The following NBAS variants were observed in gnomAD, a reference collection of about 807,000 sequenced individuals.
The protein encoded by NBAS is NBAS subunit of NRZ tethering complex.
A neutral mutation model predicts 302.5 loss-of-function variants in NBAS; 219 were observed. That is an observed-to-expected ratio of 0.72 (90% CI 0.65 to 0.81). NBAS has a LOEUF of 0.81. Ranked by LOEUF, NBAS falls within the 30% of genes least tolerant of loss-of-function variation. NBAS has a pLI of 0.00. For synonymous variants in NBAS, 1,118 were observed against 1,021.6 expected (o/e 1.09, Z -1.80); for missense variants, 2,932 against 2,841.6 (o/e 1.03, Z -0.72).
the NBAS span, among the ~76,000 whole-genome samples, chr2:15,108,795 T>C: frequency 1.7e-4 from 26 of 152,306 alleles, no homozygotes; most frequent in African/African-American, 5.8e-4. Context: ...GTCTTTTTTT[T>C]CAATGTCTGA....
chr2:15,186,650 T>C (rs939268836), intron 50 of NBAS, 92 bp downstream of exon 50: 1 of 1,575,508 alleles, frequency 6.3e-7, no homozygotes, highest in Admixed American at 1.7e-5. Flanking sequence ...AAGCTAAATG[T>C]TCCTCAAATC....
intron 48 of NBAS, among the ~76,000 whole-genome samples, chr2:15,209,384 C>A: frequency 6.6e-6 from 1 of 152,048 alleles, no homozygotes; most frequent in Non-Finnish European, 1.5e-5. Context: ...TAATACCAAT[C>A]CTATTCCAAC....
At chr2:14,965,900 A>G in the NBAS span, among the ~76,000 whole-genome samples, 36 of 152,262 alleles carry the variant, frequency 2.4e-4, no homozygotes, top group African/African-American at 8.4e-4. Context: ...TGTGAATGTG[A>G]CTTCATTTAG....
intron 9 of NBAS, among the ~76,000 whole-genome samples, chr2:15,515,147 C>A (rs1662327764): frequency 6.6e-6 from 1 of 152,056 alleles, no homozygotes; most frequent in Admixed American, 6.5e-5. Context: ...ACAAAACTGG[C>A]AGCTGCTGAG....
chr2:15,142,759 A>C, the NBAS span, among the ~76,000 whole-genome samples: 1 of 152,222 alleles, frequency 6.6e-6, no homozygotes, highest in African/African-American at 2.4e-5. Flanking sequence ...GAGGGGAGAT[A>C]AGGAACATTC....
the NBAS span, among the ~76,000 whole-genome samples, chr2:15,132,990 T>C: frequency 2.6e-5 from 4 of 152,190 alleles, no homozygotes; most frequent in East Asian, 1.9e-4. Flanking sequence ...TAAGAAAACA[T>C]ATATTTGAAT....
chr2:15,228,355 G>T (rs1002351316), intron 47 of NBAS, among the ~76,000 whole-genome samples: 1 of 152,154 alleles, frequency 6.6e-6, no homozygotes, highest in South Asian at 2.1e-4. Flanking sequence ...GCTGGCCAGG[G>T]TGCAGAGAAA....
At chr2:14,850,869 C>A in the NBAS span, among the ~76,000 whole-genome samples, 3 of 123,388 alleles carry the variant, frequency 2.4e-5, no homozygotes, top group African/African-American at 1.3e-4. Context: ...TAAAGATGTT[C>A]TTTGAAACCA....
At chr2:15,366,470 A>G in intron 32 of NBAS, 110 bp downstream of exon 32, 1 of 1,067,280 alleles carries the variant, frequency 9.4e-7, no homozygotes, top group South Asian at 1.3e-5. Flanking sequence ...CCTGTCTAAT[A>G]AAAAAGCTGT....
the NBAS span, among the ~76,000 whole-genome samples, chr2:14,977,801 G>T: frequency 6.6e-6 from 1 of 152,124 alleles, no homozygotes; most frequent in African/African-American, 2.4e-5. Context: ...CTAATTAAAT[G>T]ATGCTCTCCT....
chr2:14,904,799 C>T, the NBAS span, among the ~76,000 whole-genome samples: 1 of 152,198 alleles, frequency 6.6e-6, no homozygotes, highest in African/African-American at 2.4e-5. Context: ...CCTGTAATCC[C>T]AGCACTTTGG....
rs540722568 is a variant in NBAS, at chr2:15,254,610, A to G, written c.5725-15924T>C. On this transcript the variant is annotated intron_variant, in intron 44 of 51. Coordinates refer to ENST00000281513, the MANE Select transcript of NBAS (RefSeq NM_015909.4). ...TGGCGTTTGCATGGAAAAGTCCTTC[A>G]GTGATGATTTCTGATATTTTGGTGT... 2.0e-5 allele frequency among the ~76,000 whole-genome samples: 3 copies of G among 152,288 alleles called. No homozygotes were observed. The South Asian group carries it at 6.2e-4, about 32-fold the overall frequency.
intron 11 of NBAS, among the ~76,000 whole-genome samples, chr2:15,498,821 T>C (rs560932857): frequency 6.6e-6 from 1 of 152,208 alleles, no homozygotes; most frequent in African/African-American, 2.4e-5. Flanking sequence ...ACTTCCGCCA[T>C]GATTGTAAGT....
At chr2:14,857,789 A>G in the NBAS span, among the ~76,000 whole-genome samples, 3 of 152,194 alleles carry the variant, frequency 2.0e-5, no homozygotes, top group African/African-American at 7.2e-5. Flanking sequence ...TAATACCCAC[A>G]CGCACAGGCA....
chr2:14,923,720 A>G, the NBAS span, among the ~76,000 whole-genome samples: 4 of 152,310 alleles, frequency 2.6e-5, no homozygotes, highest in East Asian at 7.7e-4. Context: ...TGGCCCCACA[A>G]AGCATGCATT....
intron 48 of NBAS, among the ~76,000 whole-genome samples, chr2:15,213,769 G>C (rs914253061): frequency 3.3e-5 from 5 of 151,970 alleles, no homozygotes; most frequent in Admixed American, 6.6e-5. Flanking sequence ...ACAGCGAGAG[G>C]GCAAATATTT....
chr2:15,496,700 C>G (rs1230452144), intron 11 of NBAS, among the ~76,000 whole-genome samples: 2 of 152,024 alleles, frequency 1.3e-5, no homozygotes, highest in Non-Finnish European at 2.9e-5. Flanking sequence ...AAGAAGCTAG[C>G]AGGAATCTGA....
chr2:15,549,545 G>A (rs572458836), intron 6 of NBAS, among the ~76,000 whole-genome samples: 1 of 151,468 alleles, frequency 6.6e-6, no homozygotes, highest in Admixed American at 6.6e-5. Context: ...GGGCAACGTG[G>A]CAAACCCCTG....
chr2:15,071,599 G>A, the NBAS span, among the ~76,000 whole-genome samples: 9 of 151,024 alleles, frequency 6.0e-5, no homozygotes, highest in Non-Finnish European at 1.3e-4. Context: ...ACTCCAGCCT[G>A]GGTGATAGAG....
Sources: gnomAD v4.1 joint callset for allele counts (sites outside exome capture counted in the v4.1 genomes callset) on GRCh38, gnomAD v4.1.1 for gene constraint, MANE v1.5 for transcripts, NCBI Gene and HGNC (gene_info 2026-07-23, HGNC 2026-07-21) for gene names.